KCNK2: variants seen among roughly 807,000 people sequenced by gnomAD.
The protein encoded by KCNK2 is potassium channel subfamily K member 2.
A neutral mutation model predicts 40.5 loss-of-function variants in KCNK2; 21 were observed. The observed-to-expected ratio is 0.52, with a 90% CI of 0.37 to 0.75. The LOEUF (loss-of-function observed/expected upper bound fraction) is 0.75. Ranked by LOEUF, KCNK2 falls within the 30% of genes least tolerant of loss-of-function variation. The probability of loss-of-function intolerance (pLI) is 0.00; values close to 1 mark genes in which losing one functional copy is unlikely to be tolerated. For missense variants in KCNK2, 399 were observed against 531.6 expected (o/e 0.75, Z 2.45); for synonymous variants, 191 against 202.2 (o/e 0.94, Z 0.47).
intron 1 of KCNK2, among the ~76,000 whole-genome samples, chr1:215,038,706 A>C (rs534686664): frequency 5.9e-5 from 9 of 152,220 alleles, no homozygotes; most frequent in Non-Finnish European, 1.2e-4. Flanking sequence ...ATTTTAAAGA[A>C]ATGTTCTTCA....
At chr1:215,189,559 A>T (rs1379045027) in intron 5 of KCNK2, among the ~76,000 whole-genome samples, 1 of 152,152 alleles carries the variant, frequency 6.6e-6, no homozygotes, top group African/African-American at 2.4e-5. Flanking sequence ...GGACACGGAC[A>T]ACTTCTTGAA....
chr1:215,111,644 G>A (rs978611170), intron 2 of KCNK2, among the ~76,000 whole-genome samples: 1 of 151,760 alleles, frequency 6.6e-6, no homozygotes, highest in Non-Finnish European at 1.5e-5. Context: ...TTCTTATTTT[G>A]TTCATACATT....
chr1:215,087,157 G>A (rs890391623), intron 2 of KCNK2, among the ~76,000 whole-genome samples: 1 of 152,218 alleles, frequency 6.6e-6, no homozygotes, highest in Non-Finnish European at 1.5e-5. Context: ...TCATAAGATA[G>A]AAAAGATGAA....
chr1:215,054,064 T>C (rs1350254786), intron 1 of KCNK2, among the ~76,000 whole-genome samples: 1 of 152,238 alleles, frequency 6.6e-6, no homozygotes, highest in Admixed American at 6.5e-5. Flanking sequence ...GTTTTCACCT[T>C]AAATAAATGA....
At position 215,068,296 on chromosome 1, in the gene KCNK2, G is replaced by A. The variant is rs1442324430; in HGVS notation, c.35-18072G>A. Reference sequence around the variant, plus strand: ...ACTGTCACCAGATAAGACATGTGGAGTTAAGATTCACATTGCCAGAAATAT... The same window carrying A: ...ACTGTCACCAGATAAGACATGTGGAATTAAGATTCACATTGCCAGAAATAT... On this transcript the variant is annotated intron_variant, in intron 1 of 6. Coordinates refer to the KCNK2 transcript ENST00000391895. 2.0e-5 allele frequency among the ~76,000 whole-genome samples: 3 copies of A among 152,136 alleles called. No individual in the cohort carries two copies. In the East Asian group the frequency reaches 5.8e-4, roughly 29 times the overall value.
intron 2 of KCNK2, among the ~76,000 whole-genome samples, chr1:215,108,596 G>A (rs2102559682): frequency 6.6e-6 from 1 of 152,154 alleles, no homozygotes; most frequent in East Asian, 1.9e-4. Context: ...CAAGGCCAAT[G>A]TTATGAAGCT....
chr1:215,079,354 A>G (rs1398082229), upstream of KCNK2, among the ~76,000 whole-genome samples: 5 of 152,166 alleles, frequency 3.3e-5, no homozygotes, highest in Admixed American at 3.3e-4. Flanking sequence ...GCATGGTTGG[A>G]AAGACCTCAG....
intron 1 of KCNK2, among the ~76,000 whole-genome samples, chr1:215,051,446 G>A (rs1657986760): frequency 6.6e-6 from 1 of 152,186 alleles, no homozygotes; most frequent in Admixed American, 6.5e-5. Flanking sequence ...TGTCAGATGT[G>A]GGTGTACTAT....
chr1:215,172,229 TTAGA>T, intron 5 of KCNK2, 46 bp downstream of exon 5: 2 of 1,501,864 alleles, frequency 1.3e-6, no homozygotes, highest in Non-Finnish European at 1.8e-6. Context: ...CAGGGGTTTA[TTAGA>T]TAGATTTTTC....
In KCNK2 at chr1:215,236,133, T is replaced by C. The variant is rs965662406; in HGVS notation, c.*988T>C. Reference sequence around the variant, plus strand: ...ACAGAAGAAAACTGTTAAAAATGGATATTATTGGAGGGGATTTAAAACAGT... The same window carrying C: ...ACAGAAGAAAACTGTTAAAAATGGACATTATTGGAGGGGATTTAAAACAGT... On this transcript the variant is annotated 3_prime_UTR_variant, in exon 7 of 7. Transcript: ENST00000444842. 1 of 151,730 alleles carries C rather than the reference T, an allele frequency of 6.6e-6. No homozygotes were observed. Among genetic ancestry groups the C allele is most frequent in the Non-Finnish European group, 1.5e-5 (1 of 67,820 alleles). 9.4% of individuals were successfully genotyped at this position (151,730 alleles called of 1,614,324 possible). A position where few individuals can be genotyped will look rare whatever the true frequency, so the allele number is the denominator to read the frequency against.
chr1:215,214,217 A>G (rs1433468516), intron 6 of KCNK2, among the ~76,000 whole-genome samples: 1 of 152,156 alleles, frequency 6.6e-6, no homozygotes, highest in Non-Finnish European at 1.5e-5. Flanking sequence ...GAAACTTACA[A>G]TTACGGTGGA....
intron 3 of KCNK2, among the ~76,000 whole-genome samples, chr1:215,165,493 A>G (rs1486800506): frequency 6.6e-6 from 1 of 152,168 alleles, no homozygotes; most frequent in African/African-American, 2.4e-5. Context: ...TTGCATACTG[A>G]TGAGGCTAAA....
chr1:215,075,006 G>T (rs1203129603), intron 1 of KCNK2, among the ~76,000 whole-genome samples: 1 of 151,890 alleles, frequency 6.6e-6, no homozygotes, highest in Non-Finnish European at 1.5e-5. Context: ...TCTCTGTTGG[G>T]CAAAGTTAAA....
At chr1:215,068,129 A>C (rs540906668) in intron 1 of KCNK2, among the ~76,000 whole-genome samples, 30 of 150,828 alleles carry the variant, frequency 2.0e-4, no homozygotes, top group African/African-American at 6.3e-4. Flanking sequence ...CCTGGTTTTC[A>C]TATATTAATC....
rs149507384 is a variant in KCNK2, at chr1:215,013,420, C to A, written c.34+7465C>A. On this transcript the variant is annotated intron_variant, in intron 1 of 6. Transcript: ENST00000391895. ...TCTTTTAAAAAAATGTTTTCTAGGT[C>A]ATTTATCTTTCCACACAAATTTTAG... Among the ~76,000 whole-genome samples, 591 of 152,198 alleles carry A rather than the reference C, an allele frequency of 3.9e-3. 4 individuals carry two copies. Among genetic ancestry groups the A allele is most frequent in the African/African-American group, 0.014 (568 of 41,536 alleles).
rs1056677665 is a variant in KCNK2 at position 215,236,538 on chromosome 1, A to G, written c.*1393A>G. Reference sequence around the variant, plus strand: ...TTGCTGTGTTTTTTTTTCACATAAAAGAGGCTGATTATTCTTTTTAGTTTA... The same window carrying G: ...TTGCTGTGTTTTTTTTTCACATAAAGGAGGCTGATTATTCTTTTTAGTTTA... On this transcript the variant is annotated 3_prime_UTR_variant, in exon 7 of 7. Transcript: ENST00000444842. 6.6e-6 allele frequency: 1 copy of G among 152,626 alleles called. No individual in the cohort carries two copies. The highest frequency in any genetic ancestry group is 1.5e-5 in the Non-Finnish European group (1 of 68,044). The allele number at this position is 152,626 out of a possible 1,614,324, so 9.5% of individuals were successfully genotyped here. A position where few individuals can be genotyped will look rare whatever the true frequency, so the allele number is the denominator to read the frequency against.
chr1:215,169,229 G>T lies in KCNK2; in HGVS notation c.506G>T (p.Gly169Val), dbSNP rs997225900. ...GFGNISPRTE[G>V]GKIFCIIYAL... The stretch of plus-strand genomic sequence containing the variant: ...GGAAACATCTCACCACGCACAGAAG[G>T]CGGCAAAATATTCTGTATCATCTAT... The change falls in exon 4 of 7, where the codon GGC becomes GTC. Residue 169 changes from glycine to valine, a missense_variant. By Grantham distance (109) the Gly-to-Val change is moderately radical (BLOSUM62 -3). Transcript: ENST00000444842. 4 of 1,610,514 alleles carry T rather than the reference G, an allele frequency of 2.5e-6. No homozygotes were observed. Among genetic ancestry groups the T allele is most frequent in the Non-Finnish European group, 3.4e-6 (4 of 1,178,548 alleles).
chr1:215,170,828 T>G (rs1663680264), intron 4 of KCNK2, among the ~76,000 whole-genome samples: 1 of 152,170 alleles, frequency 6.6e-6, no homozygotes, highest in African/African-American at 2.4e-5. Context: ...CAACAAATTT[T>G]TTAGTGCCTC....
chr1:215,025,133 C>T (rs532885773), intron 1 of KCNK2, among the ~76,000 whole-genome samples: 6 of 152,170 alleles, frequency 3.9e-5, no homozygotes, highest in Non-Finnish European at 8.8e-5. Context: ...GCTAAATAAT[C>T]ATGTAACTCT....
Sources: gnomAD v4.1 joint callset for allele counts (sites outside exome capture counted in the v4.1 genomes callset) on GRCh38, gnomAD v4.1.1 for gene constraint, MANE v1.5 for transcripts, NCBI Gene and HGNC (gene_info 2026-07-23, HGNC 2026-07-21) for gene names.